Variants in SLC25A53 observed in about 807,000 individuals in gnomAD.
SLC25A53 encodes solute carrier family 25 member 53, also known as mitochondrial carrier triple repeat protein 6.
A neutral mutation model predicts 15.0 loss-of-function variants in SLC25A53; 5 were observed. The ratio of observed to expected loss-of-function variants is 0.33; its 90% CI spans 0.17 to 0.70. SLC25A53 has a LOEUF of 0.70. Ranked by LOEUF, SLC25A53 falls within the 30% of genes least tolerant of loss-of-function variation. SLC25A53 has a pLI of 0.67. For synonymous variants in SLC25A53, 95 were observed against 100.0 expected (o/e 0.95, Z 0.30); for missense variants, 216 against 241.6 (o/e 0.89, Z 0.70).
intron 1 of SLC25A53, among the ~76,000 whole-genome samples, chrX:104,150,797 C>G (rs1319896611): frequency 9.0e-6 from 1 of 111,631 alleles, no homozygotes; most frequent in Non-Finnish European, 1.9e-5. Flanking sequence ...TAAGTCCTTT[C>G]TGACACCCTC....
chrX:104,109,995 A>G (rs1399761866), intron 1 of SLC25A53, among the ~76,000 whole-genome samples: 2 of 100,452 alleles, frequency 2.0e-5, no homozygotes, highest in Non-Finnish European at 4.2e-5. Flanking sequence ...CCTGTATCCA[A>G]TTGAAGCCAG....
intron 1 of SLC25A53, chrX:104,115,383 A>G: frequency 2.9e-6 from 3 of 1,030,563 alleles, no homozygotes; most frequent in Non-Finnish European, 3.9e-6. Context: ...AATGGGAATA[A>G]CAGGAGAGGG....
intron 1 of SLC25A53, among the ~76,000 whole-genome samples, chrX:104,110,985 T>A (rs2075338493): frequency 1.8e-5 from 2 of 112,919 alleles, no homozygotes; most frequent in Admixed American, 9.3e-5. Context: ...CAGAAGAATG[T>A]ACGGAGTCCA....
rs1334416155 is a variant in SLC25A53 at position 104,103,612 on chromosome X, T to A, written c.*722A>T. 1 of 112,124 alleles carries A rather than the reference T, an allele frequency of 8.9e-6. No homozygotes were observed. The highest frequency in any genetic ancestry group is 3.2e-5 in the African/African-American group (1 of 30,851). The allele number at this position is 112,124 out of a possible 1,213,427, so 9.2% of individuals were successfully genotyped here. A position where few individuals can be genotyped will look rare whatever the true frequency, so the allele number is the denominator to read the frequency against. ...TGTTATCACCTTGCTCTCAGAAATG[T>A]CCTAGCAGATAACACCAAGCAGACT... On this transcript the variant is annotated 3_prime_UTR_variant, in exon 2 of 2. Transcript: ENST00000594199.
Position 104,130,676 on chromosome X carries a change from CA to C in SLC25A53, c.-31-25389del, listed in dbSNP as rs200162700. 168 of 110,378 alleles carry C rather than the reference CA, an allele frequency of 1.5e-3. 2 individuals carry two copies. Among genetic ancestry groups the C allele is most frequent in the African/African-American group, 5.3e-3 (159 of 30,263 alleles). The allele number at this position is 110,378 out of a possible 1,213,427, so 9.1% of individuals were successfully genotyped here. On this transcript the variant is annotated intron_variant, in intron 1 of 1. Coordinates refer to ENST00000594199, the MANE Select transcript of SLC25A53 (RefSeq NM_001012755.5). The stretch of plus-strand genomic sequence containing the variant: ...TTACCTTCTCATAAACCTCATGCAT[CA>C]GCCATCTCCTCTCTCCCCTATCTTC...
chrX:104,114,666 T>C, intron 1 of SLC25A53: 5 of 1,211,996 alleles, frequency 4.1e-6, no homozygotes, highest in Non-Finnish European at 5.6e-6. Context: ...CTGAGCTGAA[T>C]AGGGACCTGC....
In SLC25A53 at chrX:104,104,544, A is replaced by T; in HGVS notation, c.714T>A (p.Asn238Lys). The T allele has an allele frequency of 8.3e-7, 1 of 1,211,766 alleles. No individual in the cohort carries two copies. The highest frequency in any genetic ancestry group is 1.7e-5 in the African/African-American group (1 of 57,790). The change falls in exon 2 of 2, where the codon AAT (asparagine) becomes AAA (lysine). Residue 238 changes from asparagine to lysine, a missense_variant. Asn to Lys is a moderately conservative substitution (Grantham distance 94). Transcript: ENST00000594199. Reference sequence around the variant, plus strand: ...TCTGCCATCCAATATGGGACTGCATATTAGCAACCAGCACAATCAGAGGAT... The same window carrying T: ...TCTGCCATCCAATATGGGACTGCATTTTAGCAACCAGCACAATCAGAGGAT... ...VLYPLIVLVA[N>K]MQSHIGWQNM...
chrX:104,156,720 C>T (rs142214514), intron 1 of SLC25A53, among the ~76,000 whole-genome samples, 158 bp downstream of exon 1: 15 of 110,410 alleles, frequency 1.4e-4, no homozygotes, highest in African/African-American at 4.6e-4. Context: ...CCTACAGCTA[C>T]GCCATCAATT....
At chrX:104,128,796 A>C (rs951276677) in intron 1 of SLC25A53, among the ~76,000 whole-genome samples, 6 of 110,320 alleles carry the variant, frequency 5.4e-5, no homozygotes, top group East Asian at 2.8e-4. Flanking sequence ...ACACACACAC[A>C]CCCATGTATG....
intron 1 of SLC25A53, among the ~76,000 whole-genome samples, chrX:104,152,594 C>G (rs373072768): frequency 9.0e-6 from 1 of 111,025 alleles, no homozygotes; most frequent in South Asian, 3.8e-4. Context: ...CCTGCCACCA[C>G]GTCCAGCTAA....
At chrX:104,105,327 T>C (rs2075303940) in intron 1 of SLC25A53, 39 bp from the exon 2 acceptor site, 3 of 938,817 alleles carry the variant, frequency 3.2e-6, no homozygotes, top group South Asian at 2.7e-5. Context: ...ACTGACCAAT[T>C]AATTCTGTTG....
chrX:104,099,926 A>G lies in SLC25A53; in HGVS notation c.*4408T>C, dbSNP rs1168594356. ...ACTAGTTGGAAATGATGAGGGAGGG[A>G]GTATTAAAAGATTTGAGGAAAGGAA... is the stretch of plus-strand genomic sequence containing the variant. On this transcript the variant is annotated 3_prime_UTR_variant, in exon 2 of 2. Transcript: ENST00000594199. The G allele has an allele frequency of 9.0e-6, 1 of 111,557 alleles. No homozygotes were observed. The highest frequency in any genetic ancestry group is 9.5e-5 in the Admixed American group (1 of 10,482). The allele number at this position is 111,557 out of a possible 1,213,427, so 9.2% of individuals were successfully genotyped here.
intron 1 of SLC25A53, among the ~76,000 whole-genome samples, chrX:104,136,196 T>C (rs2075436215): frequency 9.0e-6 from 1 of 111,441 alleles, no homozygotes; most frequent in South Asian, 3.7e-4. Context: ...ATGTATATAA[T>C]ATGCATACAT....
At chrX:104,135,009 T>C (rs954234050) in intron 1 of SLC25A53, among the ~76,000 whole-genome samples, 15 of 110,775 alleles carry the variant, frequency 1.4e-4, no homozygotes, top group Admixed American at 2.9e-4. Flanking sequence ...CCACACTGAA[T>C]TACTCTCTAC....
At position 104,104,475 on chromosome X, in the gene SLC25A53, A is replaced by C; in HGVS notation, c.783T>G (p.Thr261=). 8.3e-7 allele frequency: 1 copy of C among 1,211,941 alleles called. No individual in the cohort carries two copies. Among genetic ancestry groups the C allele is most frequent in the South Asian group, 1.8e-5 (1 of 57,011 alleles). Residue 261 remains threonine (T), a synonymous_variant, in exon 2 of 2, where the codon ACT becomes ACG. Coordinates refer to ENST00000594199, the MANE Select transcript of SLC25A53 (RefSeq NM_001012755.5). ...LWASAQDVWN[T]RGRKLLLIYR... ...AGATCAGGAGCAGCTTTCGGCCCCG[A>C]GTGTTCCATACATCCTGGGCAGAGG... is the stretch of plus-strand genomic sequence containing the variant.
At chrX:104,120,001 T>C (rs1391942665) in intron 1 of SLC25A53, among the ~76,000 whole-genome samples, 1 of 112,189 alleles carries the variant, frequency 8.9e-6, no homozygotes, top group Middle Eastern at 4.6e-3. Context: ...ATCCAGCTCA[T>C]TGCCCTTACA....
chrX:104,124,172 CCCA>C (rs1240432637), intron 1 of SLC25A53, among the ~76,000 whole-genome samples: 3 of 111,753 alleles, frequency 2.7e-5, no homozygotes, highest in Admixed American at 9.5e-5. Flanking sequence ...AATTTACACT[CCCA>C]CCAACAGTGT....
chrX:104,126,441 G>C (rs2075411221), intron 1 of SLC25A53, among the ~76,000 whole-genome samples: 1 of 111,590 alleles, frequency 9.0e-6, no homozygotes, highest in Non-Finnish European at 1.9e-5. Context: ...ATCACTTGAG[G>C]CCAGGGGTTT....
Position 104,101,522 on chromosome X carries a change from T to A in SLC25A53, c.*2812A>T, listed in dbSNP as rs1189010295. On this transcript the variant is annotated 3_prime_UTR_variant, in exon 2 of 2. Coordinates refer to ENST00000594199, the MANE Select transcript of SLC25A53 (RefSeq NM_001012755.5). Reference sequence around the variant, plus strand: ...CAAAAAGATATCACTTTGGAAATTCTAAGGATTTTAGGAGTTGTATGCCAA... The same window carrying A: ...CAAAAAGATATCACTTTGGAAATTCAAAGGATTTTAGGAGTTGTATGCCAA... 1 of 112,510 alleles carries A rather than the reference T, an allele frequency of 8.9e-6. No homozygotes were observed. The highest frequency in any genetic ancestry group is 1.9e-5 in the Non-Finnish European group (1 of 53,350). 9.3% of individuals were successfully genotyped at this position (112,510 alleles called of 1,213,427 possible).
Sources: allele counts gnomAD v4.1 joint callset (sites outside exome capture counted in the v4.1 genomes callset), GRCh38; gene constraint gnomAD v4.1.1; transcripts MANE v1.5; gene names NCBI Gene and HGNC (gene_info 2026-07-23, HGNC 2026-07-21).